The following DLG2 variants were observed in gnomAD, a reference collection of about 807,000 sequenced individuals.
DLG2 encodes the protein disks large homolog 2.
Under a neutral mutation model 132.5 loss-of-function variants are expected in DLG2, and 45 were observed. That is an observed-to-expected ratio of 0.34 (90% CI 0.27 to 0.44). DLG2 has a LOEUF of 0.44. DLG2 is among the 20% of genes least tolerant of loss of function. The probability of loss-of-function intolerance (pLI) is 1.00; values close to 1 mark genes in which losing one functional copy is unlikely to be tolerated. For missense variants in DLG2, 1,045 were observed against 1,196.9 expected (o/e 0.87, Z 1.87); for synonymous variants, 424 against 419.6 (o/e 1.01, Z -0.13).
chr11:85,567,247 A>T (rs1185521285), intron 3 of DLG2, among the ~76,000 whole-genome samples: 2 of 152,358 alleles, frequency 1.3e-5, no homozygotes, highest in East Asian at 1.9e-4. Context: ...TATTGAATCT[A>T]TATCAATACA....
chr11:84,642,901 T>G (rs1014590567), intron 6 of DLG2, among the ~76,000 whole-genome samples: 2 of 152,190 alleles, frequency 1.3e-5, no homozygotes, highest in Non-Finnish European at 2.9e-5. Context: ...ATTTAGCTAT[T>G]TTAAAAGAAT....
intron 7 of DLG2, among the ~76,000 whole-genome samples, chr11:84,484,304 C>T (rs1382847787): frequency 2.6e-5 from 4 of 152,178 alleles, no homozygotes; most frequent in Non-Finnish European, 5.9e-5. Flanking sequence ...GAAACAATTT[C>T]ATGAAGTACA....
At chr11:84,510,020 C>A (rs1214270324) in intron 7 of DLG2, among the ~76,000 whole-genome samples, 1 of 151,358 alleles carries the variant, frequency 6.6e-6, no homozygotes, top group South Asian at 2.1e-4. Flanking sequence ...CTCCTAGGTG[C>A]CTTTTAGCAA....
chr11:83,947,371 A>G lies in DLG2; in HGVS notation c.1340+15514T>C, dbSNP rs111955439. ...ACATCAGTATATGTTTTTAAAAGGC[A>G]TTGAAATATAGAGAAAACATCACTG... On this transcript the variant is annotated intron_variant, in intron 14 of 27. Coordinates refer to ENST00000376104, the MANE Select transcript of DLG2 (RefSeq NM_001142699.3). Among the ~76,000 whole-genome samples, 1,302 of 152,328 alleles carry G rather than the reference A, an allele frequency of 8.5e-3. 19 individuals carry two copies. The highest frequency in any genetic ancestry group is 0.03 in the African/African-American group (1,241 of 41,578).
intron 19 of DLG2, among the ~76,000 whole-genome samples, chr11:83,586,583 G>C (rs1033095644): frequency 6.6e-6 from 1 of 152,182 alleles, no homozygotes; most frequent in African/African-American, 2.4e-5. Context: ...GAGGTACAGG[G>C]TCAGAACTCA....
chr11:83,765,294 A>C (rs2032271177), intron 18 of DLG2, among the ~76,000 whole-genome samples: 2 of 152,232 alleles, frequency 1.3e-5, no homozygotes. Flanking sequence ...AGAATTAAAA[A>C]CAAATACTTT....
intron 18 of DLG2, among the ~76,000 whole-genome samples, chr11:83,669,045 CA>C (rs2076370217): frequency 6.6e-6 from 1 of 151,938 alleles, no homozygotes; most frequent in Non-Finnish European, 1.5e-5. Context: ...CCTGGCCCAT[CA>C]AAATGCTCTA....
chr11:84,330,701 A>G (rs763440973), intron 7 of DLG2, among the ~76,000 whole-genome samples: 1 of 152,212 alleles, frequency 6.6e-6, no homozygotes, highest in African/African-American at 2.4e-5. Flanking sequence ...CCATGAAACA[A>G]TGTGTCTAAG....
At chr11:84,172,211 T>G (rs966239688) in intron 8 of DLG2, among the ~76,000 whole-genome samples, 1 of 152,212 alleles carries the variant, frequency 6.6e-6, no homozygotes, top group African/African-American at 2.4e-5. Context: ...ATTTTATGAA[T>G]ACTATGAAGT....
intron 6 of DLG2, among the ~76,000 whole-genome samples, chr11:84,969,759 G>A (rs754917368): frequency 1.3e-5 from 2 of 152,072 alleles, no homozygotes; most frequent in Non-Finnish European, 2.9e-5. Flanking sequence ...CAAAGACTTG[G>A]AACCAACCCA....
At chr11:85,124,065 G>T (rs1404316475) in intron 5 of DLG2, among the ~76,000 whole-genome samples, 1 of 152,212 alleles carries the variant, frequency 6.6e-6, no homozygotes, top group East Asian at 1.9e-4. Context: ...TCCCAGAAAT[G>T]AGGAAATGAG....
chr11:84,730,027 T>C (rs2062970193), intron 6 of DLG2, among the ~76,000 whole-genome samples: 1 of 152,086 alleles, frequency 6.6e-6, no homozygotes, highest in Non-Finnish European at 1.5e-5. Flanking sequence ...CTTTCAGCCT[T>C]GTTTCCATTT....
At chr11:84,825,166 C>T (rs1454945784) in intron 6 of DLG2, among the ~76,000 whole-genome samples, 3 of 151,890 alleles carry the variant, frequency 2.0e-5, no homozygotes, top group Non-Finnish European at 4.4e-5. Context: ...TGATATAGCA[C>T]ACCCTGGACT....
chr11:83,579,258 T>C (rs1021010704), intron 19 of DLG2, among the ~76,000 whole-genome samples: 1 of 152,252 alleles, frequency 6.6e-6, no homozygotes, highest in African/African-American at 2.4e-5. Context: ...ACACATTAAT[T>C]TCAAGTATGA....
At chr11:83,603,861 T>G (rs1448547607) in intron 19 of DLG2, among the ~76,000 whole-genome samples, 1 of 152,210 alleles carries the variant, frequency 6.6e-6, no homozygotes, top group Non-Finnish European at 1.5e-5. Context: ...TCTCCATGTA[T>G]AGTATTCTAG....
intron 4 of DLG2, among the ~76,000 whole-genome samples, chr11:85,271,428 C>T (rs969837588): frequency 3.3e-5 from 5 of 152,348 alleles, no homozygotes; most frequent in Admixed American, 3.3e-4. Flanking sequence ...TGGGTGCCCC[C>T]ACACAGAGTC....
intron 6 of DLG2, among the ~76,000 whole-genome samples, chr11:84,564,494 A>G (rs1346251791): frequency 1.3e-5 from 2 of 152,174 alleles, no homozygotes; most frequent in Non-Finnish European, 2.9e-5. Context: ...GTTGCTTGGG[A>G]AAGAATAAGA....
At chr11:84,027,526 C>T (rs2095569162) in intron 11 of DLG2, among the ~76,000 whole-genome samples, 2 of 151,814 alleles carry the variant, frequency 1.3e-5, no homozygotes. Context: ...AAATAGCTAC[C>T]ATATAATAAG....
At chr11:84,565,140 G>A (rs867717842) in intron 6 of DLG2, among the ~76,000 whole-genome samples, 1 of 152,038 alleles carries the variant, frequency 6.6e-6, no homozygotes, top group African/African-American at 2.4e-5. Context: ...ATATTTTAGT[G>A]GAATTAAAAG....
Sources: allele counts gnomAD v4.1 joint callset (sites outside exome capture counted in the v4.1 genomes callset), GRCh38; gene constraint gnomAD v4.1.1; transcripts MANE v1.5; gene names NCBI Gene and HGNC (gene_info 2026-07-23, HGNC 2026-07-21).